The following TBC1D23 variants were observed in gnomAD, a reference collection of about 807,000 sequenced individuals.
TBC1D23 encodes TBC1 domain family member 23.
In TBC1D23, 55 loss-of-function variants were observed where a neutral mutation model predicts 91.4. That is an observed-to-expected ratio of 0.60 (90% CI 0.48 to 0.75). The LOEUF is 0.75. Ranked by LOEUF, TBC1D23 falls within the 30% of genes least tolerant of loss-of-function variation. The pLI is 0.00. For synonymous variants in TBC1D23, 289 were observed against 281.0 expected (o/e 1.03, Z -0.28); for missense variants, 725 against 836.1 (o/e 0.87, Z 1.64).
chr3:100,278,175 T>G (rs1185012000), intron 1 of TBC1D23, among the ~76,000 whole-genome samples: 1 of 152,186 alleles, frequency 6.6e-6, no homozygotes, highest in Non-Finnish European at 1.5e-5. Context: ...AGAGTGGGAA[T>G]AATTTATTTT....
intron 1 of TBC1D23, among the ~76,000 whole-genome samples, chr3:100,268,153 C>G (rs911224039): frequency 6.6e-6 from 1 of 152,074 alleles, no homozygotes; most frequent in African/African-American, 2.4e-5. Flanking sequence ...GAGTGAGACT[C>G]TGTCTCTAAT....
intron 1 of TBC1D23, among the ~76,000 whole-genome samples, chr3:100,263,763 C>G (rs9863738): frequency 6.6e-6 from 1 of 152,094 alleles, no homozygotes; most frequent in African/African-American, 2.4e-5. Flanking sequence ...GTAACCAGCT[C>G]ATAGAGTGCC....
At chr3:100,280,142 A>G (rs2067682120) in intron 2 of TBC1D23, among the ~76,000 whole-genome samples, 2 of 151,926 alleles carry the variant, frequency 1.3e-5, no homozygotes, top group Admixed American at 1.3e-4. Context: ...AGGCAAGAGA[A>G]TCGCTTGAAC....
At chr3:100,287,705 C>A (rs1040403716) in intron 4 of TBC1D23, among the ~76,000 whole-genome samples, 1 of 152,160 alleles carries the variant, frequency 6.6e-6, no homozygotes, top group Non-Finnish European at 1.5e-5. Context: ...GATTGAGAGT[C>A]ATACAAATCC....
chr3:100,301,978 T>G, intron 10 of TBC1D23, 89 bp from the exon 11 acceptor site: 1 of 890,932 alleles, frequency 1.1e-6, no homozygotes, highest in South Asian at 1.7e-5. Flanking sequence ...TCTTTAAATA[T>G]TGGGGTTTTT....
At chr3:100,301,358 ATCTTT>A (rs1393026325) in intron 10 of TBC1D23, among the ~76,000 whole-genome samples, 1 of 152,168 alleles carries the variant, frequency 6.6e-6, no homozygotes, top group African/African-American at 2.4e-5. Context: ...GATATTATCA[ATCTTT>A]TCTTATCTTA....
chr3:100,298,409 T>C (rs1705346370), intron 9 of TBC1D23, among the ~76,000 whole-genome samples: 1 of 152,240 alleles, frequency 6.6e-6, no homozygotes, highest in Non-Finnish European at 1.5e-5. Context: ...TTGAATTACA[T>C]GGTTTAGTTC....
Position 100,320,874 on chromosome 3 carries a change from G to T in TBC1D23, c.1921G>T (p.Val641Leu), listed in dbSNP as rs1223844547. Residue 641 changes from valine (V) to leucine (L), a missense_variant, in exon 18 of 19, where the codon GTA becomes TTA. Coordinates refer to ENST00000394144, the MANE Select transcript of TBC1D23 (RefSeq NM_001199198.3). The stretch of plus-strand genomic sequence containing the variant: ...ACAGTCTCGACAAGCGCTGAATTCT[G>T]TAGTTAAAATTACATCCAAAAAAAA... ...YIQSRQALNS[V>L]VKITSKKKHP... The T allele has an allele frequency of 6.2e-7, 1 of 1,612,884 alleles. No homozygotes were observed. Among genetic ancestry groups the T allele is most frequent in the Admixed American group, 1.7e-5 (1 of 59,980 alleles).
chr3:100,313,729 T>A (rs1231326801), intron 15 of TBC1D23, among the ~76,000 whole-genome samples: 1 of 152,082 alleles, frequency 6.6e-6, no homozygotes, highest in Non-Finnish European at 1.5e-5. Context: ...AGAAAACTTA[T>A]AATCTAATCT....
At chr3:100,273,157 G>C (rs1261820135) in intron 1 of TBC1D23, among the ~76,000 whole-genome samples, 1 of 152,208 alleles carries the variant, frequency 6.6e-6, no homozygotes, top group Non-Finnish European at 1.5e-5. Context: ...AGAGGTCCCT[G>C]CAGCCTTCCG....
chr3:100,280,857 T>C (rs1216428174), intron 2 of TBC1D23, among the ~76,000 whole-genome samples: 1 of 152,128 alleles, frequency 6.6e-6, no homozygotes, highest in East Asian at 1.9e-4. Context: ...GTCTGAAACG[T>C]TTAAAAGAAT....
chr3:100,281,005 C>T (rs948855616), intron 2 of TBC1D23, among the ~76,000 whole-genome samples: 1 of 152,004 alleles, frequency 6.6e-6, no homozygotes, highest in African/African-American at 2.4e-5. Flanking sequence ...ACTAAAAATA[C>T]AAAAATTAGC....
In TBC1D23 at chr3:100,324,901, C is replaced by G. The variant is rs1705924211; in HGVS notation, c.*1233C>G. The stretch of plus-strand genomic sequence containing the variant: ...TTGATGGGAGAAATATTTAGATGTA[C>G]CCTGTTAACAGCCAGTCATTTTGAT... On this transcript the variant is annotated 3_prime_UTR_variant, in exon 19 of 19. Transcript: ENST00000394144. 6.6e-6 allele frequency: 1 copy of G among 152,220 alleles called. No homozygotes were observed. The highest frequency in any genetic ancestry group is 3.4e-3 in the Middle Eastern group (1 of 294). The allele number at this position is 152,220 out of a possible 1,614,324, so 9.4% of individuals were successfully genotyped here.
At position 100,313,583 on chromosome 3, in the gene TBC1D23, T is replaced by A. The variant is rs573825762; in HGVS notation, c.1598+1706T>A. ...TAAATCTTGATTAACAATTAATAATTTGTTTTTTAGGATTATCTCTTTACT... is the reference window on the plus strand; with the variant it reads ...TAAATCTTGATTAACAATTAATAATATGTTTTTTAGGATTATCTCTTTACT... On this transcript the variant is annotated intron_variant, in intron 15 of 18. Transcript: ENST00000394144. 2.2e-4 allele frequency among the ~76,000 whole-genome samples: 34 copies of A among 152,328 alleles called. No individual in the cohort carries two copies. In the East Asian group the frequency reaches 5.8e-3, roughly 26 times the overall value.
At chr3:100,275,116 A>C (rs2067637996) in intron 1 of TBC1D23, among the ~76,000 whole-genome samples, 1 of 152,156 alleles carries the variant, frequency 6.6e-6, no homozygotes, top group African/African-American at 2.4e-5. Flanking sequence ...CGTTTTCCAT[A>C]GTGGCTGCGT....
At chr3:100,319,781 A>ATG (rs1317000477) in intron 17 of TBC1D23, among the ~76,000 whole-genome samples, 2 of 152,038 alleles carry the variant, frequency 1.3e-5, no homozygotes, top group East Asian at 3.9e-4. Context: ...CCCATTTCGT[A>ATG]TGTATATATA....
At chr3:100,265,765 T>A (rs2067552615) in intron 1 of TBC1D23, among the ~76,000 whole-genome samples, 1 of 152,198 alleles carries the variant, frequency 6.6e-6, no homozygotes, top group East Asian at 1.9e-4. Context: ...AAACCTTTCT[T>A]AAGTTATTGC....
At chr3:100,316,003 TA>T in intron 15 of TBC1D23, 95 bp from the exon 16 acceptor site, 1 of 991,522 alleles carries the variant, frequency 1.0e-6, no homozygotes, top group East Asian at 2.4e-5. Flanking sequence ...AGGTAAGGAA[TA>T]ATTACATTTT....
chr3:100,296,860 CAAA>C (rs71625559), intron 8 of TBC1D23, among the ~76,000 whole-genome samples: 2 of 86,646 alleles, frequency 2.3e-5, no homozygotes, highest in African/African-American at 4.9e-5. Context: ...GACTCTGTCT[CAAA>C]AAAAAAAAAA....
Sources: gnomAD v4.1 joint callset for allele counts (sites outside exome capture counted in the v4.1 genomes callset) on GRCh38, gnomAD v4.1.1 for gene constraint, MANE v1.5 for transcripts, NCBI Gene and HGNC (gene_info 2026-07-23, HGNC 2026-07-21) for gene names.